The following NXPH1 variants were observed in gnomAD, a reference collection of about 807,000 sequenced individuals.
The protein encoded by NXPH1 is neurexophilin 1, also known as neurexophilin-1.
NXPH1 carries 5 observed loss-of-function variants against 23.7 expected under a neutral mutation model. The ratio of observed to expected loss-of-function variants is 0.21; its 90% confidence interval spans 0.11 to 0.44. The LOEUF (loss-of-function observed/expected upper bound fraction) is 0.44, where lower values mean the gene tolerates loss of function less well. Ranked by LOEUF, NXPH1 falls within the 20% of genes least tolerant of loss-of-function variation. NXPH1 has a pLI of 0.99. For synonymous variants in NXPH1, 144 were observed against 122.2 expected (o/e 1.18, Z -1.18); for missense variants, 324 against 321.6 (o/e 1.01, Z -0.06).
intron 2 of NXPH1, among the ~76,000 whole-genome samples, chr7:8,451,010 C>A (rs1487668382): frequency 6.6e-6 from 1 of 152,026 alleles, no homozygotes; most frequent in Non-Finnish European, 1.5e-5. Flanking sequence ...TTAAAAAATG[C>A]CAAATCTTCC....
intron 2 of NXPH1, among the ~76,000 whole-genome samples, chr7:8,630,005 T>A (rs1002604259): frequency 6.6e-6 from 1 of 152,130 alleles, no homozygotes; most frequent in Admixed American, 6.6e-5. Context: ...GAGGCCAAGA[T>A]GGGTGGATTG....
rs139817972 is a variant in NXPH1, at chr7:8,460,367, G to A, written c.54+24600G>A. ...ACTGTCTTTATATCTATCTTTCCTC[G>A]TCCATTTAGTTGTTGCTGTTTTGGA... On this transcript the variant is annotated intron_variant, in intron 2 of 2. Transcript: ENST00000405863. Among the ~76,000 whole-genome samples, 8 of 151,964 alleles carry A rather than the reference G, an allele frequency of 5.3e-5. No homozygotes were observed. The South Asian group carries it at 8.3e-4, about 16-fold the overall frequency.
At chr7:8,569,286 A>T (rs976273335) in intron 2 of NXPH1, among the ~76,000 whole-genome samples, 4 of 151,912 alleles carry the variant, frequency 2.6e-5, no homozygotes, top group African/African-American at 9.7e-5. Flanking sequence ...GAGCCATTGT[A>T]CTTTAAAAGA....
At chr7:8,477,648 A>C (rs1816999214) in intron 2 of NXPH1, among the ~76,000 whole-genome samples, 1 of 152,136 alleles carries the variant, frequency 6.6e-6, no homozygotes, top group Admixed American at 6.6e-5. Flanking sequence ...CTTGGGTCAG[A>C]CCAGTGATTC....
At chr7:8,687,592 A>G (rs1191967617) in intron 2 of NXPH1, among the ~76,000 whole-genome samples, 1 of 152,180 alleles carries the variant, frequency 6.6e-6, no homozygotes, top group Non-Finnish European at 1.5e-5. Flanking sequence ...TCAGAAAGAA[A>G]TGAGCTTAAA....
chr7:8,524,241 CA>C (rs34744233), intron 2 of NXPH1, among the ~76,000 whole-genome samples: 1,506 of 73,634 alleles, frequency 0.02, 4 homozygotes, highest in Middle Eastern at 0.033. Context: ...GACTCTGTCT[CA>C]AAAAAAAAAA....
intron 2 of NXPH1, among the ~76,000 whole-genome samples, chr7:8,503,434 G>A (rs1019249321): frequency 2.0e-5 from 3 of 151,886 alleles, no homozygotes; most frequent in Non-Finnish European, 4.4e-5. Flanking sequence ...ATTATCCTGT[G>A]ACTTTATATG....
At chr7:8,748,194 T>C (rs1366588529) in intron 2 of NXPH1, among the ~76,000 whole-genome samples, 2 of 152,226 alleles carry the variant, frequency 1.3e-5, no homozygotes, top group Admixed American at 6.5e-5. Flanking sequence ...GCAACGATTT[T>C]GCTGTTATTA....
intron 2 of NXPH1, among the ~76,000 whole-genome samples, chr7:8,676,187 C>T (rs769170956): frequency 6.6e-6 from 1 of 152,156 alleles, no homozygotes; most frequent in Non-Finnish European, 1.5e-5. Context: ...AATTGAATAA[C>T]CAGAAAAGAT....
At chr7:8,478,737 A>G (rs1430812061) in intron 2 of NXPH1, among the ~76,000 whole-genome samples, 1 of 152,146 alleles carries the variant, frequency 6.6e-6, no homozygotes. Context: ...AGGCCATTTG[A>G]GCATATTGAT....
intron 2 of NXPH1, among the ~76,000 whole-genome samples, chr7:8,707,367 ATAT>A (rs1178048504): frequency 6.6e-6 from 1 of 152,168 alleles, no homozygotes; most frequent in Admixed American, 6.5e-5. Context: ...TTACAGCATA[ATAT>A]TTCTCAGGCT....
intron 2 of NXPH1, among the ~76,000 whole-genome samples, chr7:8,571,018 TATCTAATCTA>T (rs35589510): frequency 0.61 from 89,577 of 145,666 alleles, 28,844 homozygotes; most frequent in Non-Finnish European, 0.7. Context: ...TCTGTCTGTC[TATCTAATCTA>T]ATCTAATCTA....
intron 2 of NXPH1, among the ~76,000 whole-genome samples, chr7:8,704,765 A>G (rs1779677896): frequency 6.6e-6 from 1 of 152,008 alleles, no homozygotes; most frequent in East Asian, 1.9e-4. Context: ...AAAAAAAGAT[A>G]AAATTGTAGG....
At chr7:8,697,646 A>T (rs1442729190) in intron 2 of NXPH1, among the ~76,000 whole-genome samples, 2 of 152,148 alleles carry the variant, frequency 1.3e-5, no homozygotes, top group Non-Finnish European at 2.9e-5. Context: ...TACACCATTG[A>T]TGAGATGGGG....
intron 2 of NXPH1, among the ~76,000 whole-genome samples, chr7:8,718,772 A>C (rs1300283513): frequency 1.3e-5 from 2 of 152,224 alleles, no homozygotes; most frequent in African/African-American, 4.8e-5. Flanking sequence ...CAGAAAAGCA[A>C]ATCTCTTCTG....
chr7:8,510,819 G>T (rs559522493), intron 2 of NXPH1, among the ~76,000 whole-genome samples: 1 of 152,028 alleles, frequency 6.6e-6, no homozygotes, highest in Non-Finnish European at 1.5e-5. Context: ...TAAGGCATTT[G>T]CCACTCTACA....
Position 8,720,025 on chromosome 7 carries a change from T to G in NXPH1, c.55-30983T>G, listed in dbSNP as rs565858749. On this transcript the variant is annotated intron_variant, in intron 2 of 2. Coordinates refer to ENST00000405863, the MANE Select transcript of NXPH1 (RefSeq NM_152745.3). The stretch of plus-strand genomic sequence containing the variant: ...GAAGTCCTTGCTGAATATCCTTGAG[T>G]GTCTGTATAAGCACCTGGTGTATTA... 2.4e-4 allele frequency among the ~76,000 whole-genome samples: 37 copies of G among 152,304 alleles called. 1 individual carries two copies. The South Asian group carries it at 7.1e-3, about 29-fold the overall frequency.
intron 2 of NXPH1, among the ~76,000 whole-genome samples, chr7:8,526,370 C>T (rs1471826812): frequency 6.6e-6 from 1 of 152,118 alleles, no homozygotes; most frequent in South Asian, 2.1e-4. Flanking sequence ...GCGGAAGGGA[C>T]TTGACTTGTC....
Position 8,499,616 on chromosome 7 carries a change from G to A in NXPH1, c.54+63849G>A, listed in dbSNP as rs561371480. ...GCAGCATCTTCCCAGGACCTCCCAG[G>A]TTCCACACAGAAATGCTCCCAAATT... On this transcript the variant is annotated intron_variant, in intron 2 of 2. Coordinates refer to ENST00000405863, the MANE Select transcript of NXPH1 (RefSeq NM_152745.3). Among the ~76,000 whole-genome samples the A allele has an allele frequency of 7.2e-5, 11 of 152,140 alleles. No individual in the cohort carries two copies. The South Asian group carries it at 2.3e-3, about 32-fold the overall frequency.
Sources: gnomAD v4.1 joint callset for allele counts (sites outside exome capture counted in the v4.1 genomes callset) on GRCh38, gnomAD v4.1.1 for gene constraint, MANE v1.5 for transcripts, NCBI Gene and HGNC (gene_info 2026-07-23, HGNC 2026-07-21) for gene names.